Variants in CSRNP3 observed in about 807,000 individuals in gnomAD.
The protein encoded by CSRNP3 is cysteine/serine-rich nuclear protein 3.
CSRNP3 carries 12 observed loss-of-function variants against 48.0 expected under a neutral mutation model. That is an observed-to-expected ratio of 0.25 (90% CI 0.16 to 0.41). The LOEUF is 0.41. Ranked by LOEUF, CSRNP3 falls within the 10% of genes least tolerant of loss-of-function variation. The pLI is 1.00. For missense variants in CSRNP3, 580 were observed against 724.4 expected (o/e 0.80, Z 2.29); for synonymous variants, 263 against 269.7 (o/e 0.98, Z 0.24).
In CSRNP3 at chr2:165,688,343, G is replaced by A. The variant is rs545816732; in HGVS notation, c.*8590G>A. ...ATTTTTAGTTTATTGAATTTCTGGT[G>A]TACTAGCCTCTTAAGATAGAACTTT... On this transcript the variant is annotated 3_prime_UTR_variant, in exon 7 of 7. Coordinates refer to ENST00000651982, the MANE Select transcript of CSRNP3 (RefSeq NM_001172173.2). 1 of 152,186 alleles carries A rather than the reference G, an allele frequency of 6.6e-6. No individual in the cohort carries two copies. Among genetic ancestry groups the A allele is most frequent in the African/African-American group, 2.4e-5 (1 of 41,538 alleles). 9.4% of individuals were successfully genotyped at this position (152,186 alleles called of 1,614,324 possible). A position where few individuals can be genotyped will look rare whatever the true frequency, so the allele number is the denominator to read the frequency against.
intron 4 of CSRNP3, among the ~76,000 whole-genome samples, chr2:165,599,285 G>GAAAGAAAGAAAGAAAC (rs1685864803): frequency 2.7e-5 from 2 of 74,644 alleles, no homozygotes; most frequent in Non-Finnish European, 6.7e-5. Flanking sequence ...GAGAGAGAGA[G>GAAAGAAAGAAAGAAAC]AAAGAAAGAA....
At position 165,656,164 on chromosome 2, in the gene CSRNP3, A is replaced by G. The variant is rs1278283459; in HGVS notation, c.149-1597A>G. ...TCGTATAATTTGGCAGCGAATTAGGAGCTTTTAGGTTTAGGCTTACCTGTC... is the reference window on the plus strand; with the variant it reads ...TCGTATAATTTGGCAGCGAATTAGGGGCTTTTAGGTTTAGGCTTACCTGTC... On this transcript the variant is annotated intron_variant, in intron 4 of 6. Transcript: ENST00000651982. Among the ~76,000 whole-genome samples the G allele has an allele frequency of 2.6e-5, 4 of 152,186 alleles. No individual in the cohort carries two copies. The East Asian group carries it at 7.7e-4, about 29-fold the overall frequency.
intron 2 of CSRNP3, among the ~76,000 whole-genome samples, chr2:165,509,436 T>C (rs1574811634): frequency 6.6e-6 from 1 of 151,966 alleles, no homozygotes; most frequent in African/African-American, 2.4e-5. Context: ...GTAGTGGAAG[T>C]GAAAGATGTG....
At chr2:165,523,524 G>A (rs1170349954) in intron 3 of CSRNP3, among the ~76,000 whole-genome samples, 2 of 152,148 alleles carry the variant, frequency 1.3e-5, no homozygotes, top group Non-Finnish European at 2.9e-5. Flanking sequence ...AACAGAGCAT[G>A]CACTTTCTAA....
intron 3 of CSRNP3, among the ~76,000 whole-genome samples, chr2:165,577,461 T>C (rs989265731): frequency 2.6e-5 from 4 of 151,996 alleles, no homozygotes; most frequent in African/African-American, 9.6e-5. Context: ...AGCTAAAGTT[T>C]ATGACTATAA....
chr2:165,546,375 T>C (rs1304002253), intron 3 of CSRNP3, among the ~76,000 whole-genome samples: 3 of 152,010 alleles, frequency 2.0e-5, no homozygotes, highest in Non-Finnish European at 2.9e-5. Flanking sequence ...GTATTTTTAG[T>C]ATAGATGGGG....
intron 3 of CSRNP3, among the ~76,000 whole-genome samples, chr2:165,548,808 G>A (rs1468659203): frequency 6.6e-6 from 1 of 151,868 alleles, no homozygotes; most frequent in Non-Finnish European, 1.5e-5. Context: ...AATCTGTTGT[G>A]GACTCGATAG....
chr2:165,681,204 A>G lies in CSRNP3; in HGVS notation c.*1451A>G, dbSNP rs530613177. 3.9e-5 allele frequency: 6 copies of G among 152,164 alleles called. No homozygotes were observed. In the South Asian group the frequency reaches 1.0e-3, roughly 26 times the overall value. The allele number at this position is 152,164 out of a possible 1,614,324, so 9.4% of individuals were successfully genotyped here. ...TTAATTTAGGTAACTAAATAGTGTAATTCTGCCTTTTTTTTTCCAATGCAA... is the reference window on the plus strand; with the variant it reads ...TTAATTTAGGTAACTAAATAGTGTAGTTCTGCCTTTTTTTTTCCAATGCAA... On this transcript the variant is annotated 3_prime_UTR_variant, in exon 7 of 7. Coordinates refer to ENST00000651982, the MANE Select transcript of CSRNP3 (RefSeq NM_001172173.2).
intron 1 of CSRNP3, among the ~76,000 whole-genome samples, chr2:165,493,695 C>T (rs1179385199): frequency 1.3e-5 from 2 of 152,052 alleles, no homozygotes. Flanking sequence ...CCTGAGCATG[C>T]TTTCTCTGGC....
chr2:165,613,944 T>C (rs185991837), intron 4 of CSRNP3, among the ~76,000 whole-genome samples: 122 of 152,172 alleles, frequency 8.0e-4, no homozygotes, highest in African/African-American at 2.9e-3. Context: ...AAGAATGTCA[T>C]TGGTGTTTGA....
chr2:165,483,164 GCC>G (rs1684070836), intron 1 of CSRNP3, among the ~76,000 whole-genome samples: 1 of 151,920 alleles, frequency 6.6e-6, no homozygotes, highest in African/African-American at 2.4e-5. Flanking sequence ...GCATTCAGGT[GCC>G]CTTTTCCATA....
chr2:165,676,334 A>G lies in CSRNP3; in HGVS notation c.431A>G (p.Glu144Gly). 6.2e-7 allele frequency: 1 copy of G among 1,613,942 alleles called. No individual in the cohort carries two copies. Among genetic ancestry groups the G allele is most frequent in the East Asian group, 2.2e-5 (1 of 44,880 alleles). Residue 144 changes from glutamate to glycine, a missense_variant, in exon 6 of 7, where the codon GAA becomes GGA. Glu to Gly is a moderately conservative substitution (Grantham distance 98). Coordinates refer to ENST00000651982, the MANE Select transcript of CSRNP3 (RefSeq NM_001172173.2). ...TAGATGACTAAGAATGGCACAGTAG[A>G]ATCAGAAGAAGCCAGCACTCTTACA... is the stretch of plus-strand genomic sequence containing the variant. ...KLKMTKNGTV[E>G]SEEASTLTLD...
intron 3 of CSRNP3, among the ~76,000 whole-genome samples, chr2:165,559,626 A>T (rs1685204051): frequency 6.6e-6 from 1 of 152,094 alleles, no homozygotes; most frequent in South Asian, 2.1e-4. Flanking sequence ...GAGGAAAATC[A>T]AGCTCTATTT....
At position 165,571,337 on chromosome 2, in the gene CSRNP3, A is replaced by G. The variant is rs189367637; in HGVS notation, c.-23-23706A>G. On this transcript the variant is annotated intron_variant, in intron 3 of 6. Coordinates refer to ENST00000651982, the MANE Select transcript of CSRNP3 (RefSeq NM_001172173.2). ...TTTCAAACATCATTTTAATTTAGAC[A>G]GTCATTAAAGAGATAAGAAATCGAT... Among the ~76,000 whole-genome samples the G allele has an allele frequency of 2.6e-5, 4 of 152,098 alleles. No homozygotes were observed. The East Asian group carries it at 5.8e-4, about 22-fold the overall frequency.
At chr2:165,671,950 T>C (rs1206082705) in intron 5 of CSRNP3, among the ~76,000 whole-genome samples, 1 of 151,834 alleles carries the variant, frequency 6.6e-6, no homozygotes, top group Non-Finnish European at 1.5e-5. Context: ...ACAGCAAGAG[T>C]CACCTTTGCT....
In CSRNP3 at chr2:165,580,492, A is replaced by G. The variant is rs140835661; in HGVS notation, c.-23-14551A>G. Among the ~76,000 whole-genome samples the G allele has an allele frequency of 9.9e-5, 15 of 152,114 alleles. No individual in the cohort carries two copies. The East Asian group carries it at 2.9e-3, about 29-fold the overall frequency. On this transcript the variant is annotated intron_variant, in intron 3 of 6. Transcript: ENST00000651982. ...AAGAATGTCCAAAGTATTTTTTTCT[A>G]CTTGTTGTAATTTTAAAAATCTCCT... is the stretch of plus-strand genomic sequence containing the variant.
chr2:165,536,437 A>G (rs1437693190), intron 3 of CSRNP3, among the ~76,000 whole-genome samples: 2 of 151,956 alleles, frequency 1.3e-5, no homozygotes, highest in Non-Finnish European at 2.9e-5. Context: ...TGGCTTTCAC[A>G]TGATTCTGCC....
At chr2:165,636,086 T>G (rs1048750309) in intron 4 of CSRNP3, among the ~76,000 whole-genome samples, 6 of 152,174 alleles carry the variant, frequency 3.9e-5, no homozygotes, top group Admixed American at 2.6e-4. Flanking sequence ...TTTCTTAAAC[T>G]TACGTAAATG....
At chr2:165,554,492 A>T (rs1008450205) in intron 3 of CSRNP3, among the ~76,000 whole-genome samples, 1 of 152,206 alleles carries the variant, frequency 6.6e-6, no homozygotes, top group Admixed American at 6.5e-5. Context: ...CTTACCCATC[A>T]TTCTGAAAAT....
Sources: gnomAD v4.1 joint callset for allele counts (sites outside exome capture counted in the v4.1 genomes callset) on GRCh38, gnomAD v4.1.1 for gene constraint, MANE v1.5 for transcripts, NCBI Gene and HGNC (gene_info 2026-07-23, HGNC 2026-07-21) for gene names.